Variants in MGLL observed in about 807,000 individuals in gnomAD.
The protein encoded by MGLL is lysophospholipase homolog.
A neutral mutation model predicts 29.1 loss-of-function variants in MGLL; 7 were observed. The ratio of observed to expected loss-of-function variants is 0.24; its 90% CI spans 0.14 to 0.45. The LOEUF (loss-of-function observed/expected upper bound fraction) is 0.45. MGLL is among the 20% of genes least tolerant of loss of function. The pLI, the probability that MGLL is intolerant of heterozygous loss-of-function variation, is 0.99. For missense variants in MGLL, 356 were observed against 413.6 expected (o/e 0.86, Z 1.21); for synonymous variants, 148 against 168.3 (o/e 0.88, Z 0.93).
chr3:127,694,915 G>T, intron 7 of MGLL, 60 bp downstream of exon 7: 3 of 1,556,542 alleles, frequency 1.9e-6, no homozygotes, highest in Non-Finnish European at 2.7e-6. Context: ...GCCCCAAGGG[G>T]TGCTGCCTTC....
At chr3:127,717,507 C>T (rs1054187596) in intron 5 of MGLL, among the ~76,000 whole-genome samples, 3 of 152,198 alleles carry the variant, frequency 2.0e-5, no homozygotes, top group South Asian at 2.1e-4. Context: ...TGTCAGGCAC[C>T]GAGTGCTGGG....
At chr3:127,773,015 G>C (rs980229977) in intron 3 of MGLL, among the ~76,000 whole-genome samples, 1 of 152,194 alleles carries the variant, frequency 6.6e-6, no homozygotes, top group Non-Finnish European at 1.5e-5. Flanking sequence ...ACCCAGTCTA[G>C]AGTGTTCTGT....
intron 3 of MGLL, among the ~76,000 whole-genome samples, chr3:127,734,400 T>C (rs1010594831): frequency 2.6e-5 from 4 of 152,100 alleles, no homozygotes; most frequent in Non-Finnish European, 5.9e-5. Flanking sequence ...CCACTGCCTC[T>C]CCCATCAGGG....
intron 6 of MGLL, among the ~76,000 whole-genome samples, chr3:127,706,910 G>T (rs1200969109): frequency 6.6e-6 from 1 of 152,208 alleles, no homozygotes; most frequent in Non-Finnish European, 1.5e-5. Context: ...AGCTTTCCAA[G>T]ACCCGGCAGG....
chr3:127,721,331 T>C (rs1483753252), intron 4 of MGLL, among the ~76,000 whole-genome samples, 168 bp from the exon 5 acceptor site: 1 of 152,192 alleles, frequency 6.6e-6, no homozygotes, highest in East Asian at 1.9e-4. Context: ...AGATCTGCAA[T>C]TATTTTATTA....
intron 3 of MGLL, among the ~76,000 whole-genome samples, chr3:127,779,103 C>T (rs753910031): frequency 1.1e-4 from 17 of 152,138 alleles, no homozygotes; most frequent in Non-Finnish European, 1.6e-4. Flanking sequence ...CAGTGGCTCA[C>T]GCCTGTAACC....
At chr3:127,696,160 G>A (rs1444385744) in intron 6 of MGLL, among the ~76,000 whole-genome samples, 1 of 152,178 alleles carries the variant, frequency 6.6e-6, no homozygotes, top group Non-Finnish European at 1.5e-5. Flanking sequence ...TCTACGGGAT[G>A]TGGGTCCTCT....
rs547179465 is a variant in MGLL at position 127,691,807 on chromosome 3, G to A, written c.*391C>T. The A allele has an allele frequency of 1.2e-4, 33 of 281,580 alleles. No individual in the cohort carries two copies. Among genetic ancestry groups the A allele is most frequent in the African/African-American group, 5.7e-4 (25 of 43,972 alleles). 17.4% of individuals were successfully genotyped at this position (281,580 alleles called of 1,614,324 possible). ...TCAGAGAGGGCGCTGGGGCGTGAGC[G>A]AAGGGTGGGCAGGAAGGAGGCGCCT... On this transcript the variant is annotated 3_prime_UTR_variant, in exon 8 of 8. Transcript: ENST00000265052.
chr3:127,698,242 T>C (rs1366633856), intron 6 of MGLL, among the ~76,000 whole-genome samples: 1 of 151,622 alleles, frequency 6.6e-6, no homozygotes, highest in Non-Finnish European at 1.5e-5. Context: ...GACCAGGAGG[T>C]TGGGGAGGGC....
chr3:127,813,887 C>G (rs1469272342), intron 2 of MGLL, among the ~76,000 whole-genome samples: 5 of 152,224 alleles, frequency 3.3e-5, no homozygotes, highest in Non-Finnish European at 7.3e-5. Flanking sequence ...CTGCTGATCT[C>G]TAAAGATACC....
chr3:127,771,137 C>G lies in MGLL; in HGVS notation c.262+10652G>C, dbSNP rs2076940581. Among the ~76,000 whole-genome samples, 3 of 152,142 alleles carry G rather than the reference C, an allele frequency of 2.0e-5. No homozygotes were observed. The South Asian group carries it at 6.2e-4, about 31-fold the overall frequency. On this transcript the variant is annotated intron_variant, in intron 3 of 7. Coordinates refer to ENST00000265052, the MANE Select transcript of MGLL (RefSeq NM_007283.7). ...TCTCAACCCTACAATTTGTGCTAAC[C>G]AAGCCCATGTAAGCAGGAACCACAA...
intron 2 of MGLL, among the ~76,000 whole-genome samples, chr3:127,816,899 A>C (rs551883479): frequency 6.6e-6 from 1 of 152,352 alleles, no homozygotes; most frequent in South Asian, 2.1e-4. Context: ...TTCCAGAAAC[A>C]ATGCCAAATC....
At chr3:127,811,556 C>T (rs912847851) in intron 2 of MGLL, among the ~76,000 whole-genome samples, 1 of 152,232 alleles carries the variant, frequency 6.6e-6, no homozygotes, top group South Asian at 2.1e-4. Context: ...ATATTCTCTC[C>T]TCCATCCTTG....
rs890781006 is a variant in MGLL, at chr3:127,787,419, G to A, written c.156-5524C>T. On this transcript the variant is annotated intron_variant, in intron 2 of 7. Transcript: ENST00000265052. ...GACAGTCCCCTAGAGCACGTGGAAC[G>A]GCTGGCAGAGGGGAAAACGCTAGCC... Among the ~76,000 whole-genome samples the A allele has an allele frequency of 1.4e-4, 21 of 152,348 alleles. No individual in the cohort carries two copies. The South Asian group carries it at 4.4e-3, about 32-fold the overall frequency.
chr3:127,766,801 T>C (rs964897527), intron 3 of MGLL, among the ~76,000 whole-genome samples: 1 of 152,214 alleles, frequency 6.6e-6, no homozygotes, highest in African/African-American at 2.4e-5. Flanking sequence ...CCGGGGACAG[T>C]GGCTCACATC....
chr3:127,758,575 G>A (rs1214486464), intron 3 of MGLL, among the ~76,000 whole-genome samples: 1 of 152,228 alleles, frequency 6.6e-6, no homozygotes, highest in East Asian at 1.9e-4. Context: ...CCTGAGCCTT[G>A]TATAATTAAA....
At chr3:127,743,227 T>C (rs1017373384) in intron 3 of MGLL, among the ~76,000 whole-genome samples, 10 of 152,224 alleles carry the variant, frequency 6.6e-5, no homozygotes, top group Admixed American at 2.6e-4. Context: ...CTGAAATTGC[T>C]GTGTATTTTC....
intron 3 of MGLL, among the ~76,000 whole-genome samples, chr3:127,760,529 G>C (rs911492666): frequency 2.0e-5 from 3 of 152,258 alleles, no homozygotes; most frequent in African/African-American, 7.2e-5. Context: ...TCTTCTAGCA[G>C]AGCCTTGGCA....
At chr3:127,719,721 C>T (rs577950841) in intron 5 of MGLL, among the ~76,000 whole-genome samples, 111 of 152,268 alleles carry the variant, frequency 7.3e-4, no homozygotes, top group African/African-American at 2.5e-3. Flanking sequence ...AGTGCACATC[C>T]GGGCATTGTG....
Sources: allele counts gnomAD v4.1 joint callset (sites outside exome capture counted in the v4.1 genomes callset), GRCh38; gene constraint gnomAD v4.1.1; transcripts MANE v1.5; gene names NCBI Gene and HGNC (gene_info 2026-07-23, HGNC 2026-07-21).